The following GLG1 variants were observed in gnomAD, a reference collection of about 807,000 sequenced individuals.
GLG1 encodes Golgi apparatus protein 1.
Under a neutral mutation model 160.5 loss-of-function variants are expected in GLG1, and 38 were observed. That is an observed-to-expected ratio of 0.24 (90% CI 0.18 to 0.31). The LOEUF is 0.31. Among genes scored for constraint, GLG1 ranks in the 10% least tolerant of loss-of-function variants. The probability of loss-of-function intolerance (pLI) is 1.00; values close to 1 mark genes in which losing one functional copy is unlikely to be tolerated. For missense variants in GLG1, 1,373 were observed against 1,505.2 expected, an observed-to-expected ratio of 0.91 and a Z score of 1.45; for synonymous variants, 644 against 543.4, an observed-to-expected ratio of 1.19 and a Z score of -2.57.
chr16:74,464,958 C>T (rs2014945468), intron 19 of GLG1, among the ~76,000 whole-genome samples: 1 of 152,162 alleles, frequency 6.6e-6, no homozygotes, highest in African/African-American at 2.4e-5. Context: ...CTTGCCTCAG[C>T]CTCCTGAATA....
chr16:74,525,583 A>AC (rs2017309164), intron 2 of GLG1, among the ~76,000 whole-genome samples: 1 of 149,596 alleles, frequency 6.7e-6, no homozygotes, highest in Admixed American at 6.8e-5. Context: ...GGTATGAGCC[A>AC]CCCCACCCAG....
chr16:74,500,298 G>C lies in GLG1; in HGVS notation c.774+3233C>G, dbSNP rs553754146. ...ATTAATACACAGGCTTGGCATATGAGTAATAAATTATCCTATAAATGAACT... is the reference window on the plus strand; with the variant it reads ...ATTAATACACAGGCTTGGCATATGACTAATAAATTATCCTATAAATGAACT... On this transcript the variant is annotated intron_variant, in intron 4 of 25. Coordinates refer to ENST00000422840, the MANE Select transcript of GLG1 (RefSeq NM_001145667.2). Among the ~76,000 whole-genome samples, 7 of 152,162 alleles carry C rather than the reference G, an allele frequency of 4.6e-5. No homozygotes were observed. In the South Asian group the frequency reaches 1.5e-3, roughly 32 times the overall value.
chr16:74,586,060 A>G (rs1452799932), intron 1 of GLG1, among the ~76,000 whole-genome samples: 11 of 143,554 alleles, frequency 7.7e-5, no homozygotes, highest in Admixed American at 2.8e-4. Context: ...AAGACTCTGT[A>G]TCGGAAAAAA....
At chr16:74,465,059 G>C (rs929329642) in intron 19 of GLG1, among the ~76,000 whole-genome samples, 1 of 152,018 alleles carries the variant, frequency 6.6e-6, no homozygotes, top group African/African-American at 2.4e-5. Flanking sequence ...GGCTGGTCTC[G>C]AACTCCTGAC....
intron 1 of GLG1, among the ~76,000 whole-genome samples, chr16:74,558,998 C>T (rs1180842315): frequency 6.6e-6 from 1 of 152,160 alleles, no homozygotes; most frequent in Non-Finnish European, 1.5e-5. Flanking sequence ...AATTCTCCCA[C>T]CTCAGCCTCC....
intron 1 of GLG1, among the ~76,000 whole-genome samples, chr16:74,536,847 C>T (rs974623793): frequency 4.9e-4 from 75 of 152,126 alleles, no homozygotes; most frequent in Non-Finnish European, 9.9e-4. Flanking sequence ...CATTAAGATT[C>T]CTACCTCTAC....
At chr16:74,542,716 GGGAA>G (rs1232680624) in intron 1 of GLG1, among the ~76,000 whole-genome samples, 6 of 29,784 alleles carry the variant, frequency 2.0e-4, no homozygotes, top group Non-Finnish European at 2.5e-4. Context: ...AAGGGAAGAA[GGGAA>G]GGAAGGAAGG....
chr16:74,548,826 T>C (rs907283644), intron 1 of GLG1, among the ~76,000 whole-genome samples: 1 of 152,034 alleles, frequency 6.6e-6, no homozygotes, highest in African/African-American at 2.4e-5. Flanking sequence ...TGAAACCTCG[T>C]CTCTACTAAA....
chr16:74,541,509 C>T (rs1431213865), intron 1 of GLG1, among the ~76,000 whole-genome samples: 2 of 152,126 alleles, frequency 1.3e-5, no homozygotes, highest in Non-Finnish European at 2.9e-5. Context: ...ACATTTATCA[C>T]ATAACATTCT....
At chr16:74,541,258 A>T (rs1227473250) in intron 1 of GLG1, among the ~76,000 whole-genome samples, 1 of 144,380 alleles carries the variant, frequency 6.9e-6, no homozygotes, top group Admixed American at 7.4e-5. Context: ...TGGGAGGCAG[A>T]GGCTGCAGTG....
chr16:74,583,296 T>C (rs1957977608), intron 1 of GLG1, among the ~76,000 whole-genome samples: 1 of 152,214 alleles, frequency 6.6e-6, no homozygotes, highest in Non-Finnish European at 1.5e-5. Context: ...ATCCTCTTAC[T>C]GGAAACTGCC....
rs536597995 is a variant in GLG1 at position 74,450,778 on chromosome 16, G to C, written c.*2389C>G. The C allele has an allele frequency of 3.9e-5, 6 of 151,964 alleles. No homozygotes were observed. The East Asian group carries it at 9.7e-4, about 25-fold the overall frequency. 9.4% of individuals were successfully genotyped at this position (151,964 alleles called of 1,614,324 possible). On this transcript the variant is annotated 3_prime_UTR_variant, in exon 26 of 26. Transcript: ENST00000422840. Reference sequence around the variant, plus strand: ...GCAGAGAATTGCTTGAACCCAGGAGGTGGAGGTTGCAGGGAGCTGAGATCG... The same window carrying C: ...GCAGAGAATTGCTTGAACCCAGGAGCTGGAGGTTGCAGGGAGCTGAGATCG...
At chr16:74,461,168 CTTTT>C (rs760396989) in intron 22 of GLG1, among the ~76,000 whole-genome samples, 3 of 141,544 alleles carry the variant, frequency 2.1e-5, no homozygotes, top group Non-Finnish European at 4.7e-5. Flanking sequence ...TATAGAATTA[CTTTT>C]TTTTTTTTTT....
intron 18 of GLG1, 22 bp from the exon 19 acceptor site, chr16:74,465,835 C>G (rs764936546): frequency 3.1e-6 from 5 of 1,611,028 alleles, no homozygotes; most frequent in Non-Finnish European, 4.2e-6. Flanking sequence ...GAGTTATAGT[C>G]AAGTTGAGAG....
intron 2 of GLG1, among the ~76,000 whole-genome samples, 161 bp downstream of exon 2, chr16:74,531,960 G>T (rs1400098204): frequency 6.6e-6 from 1 of 152,076 alleles, no homozygotes; most frequent in Non-Finnish European, 1.5e-5. Flanking sequence ...ACAATGAAGG[G>T]TTATTTGTTG....
At chr16:74,502,150 A>C (rs907545283) in intron 4 of GLG1, among the ~76,000 whole-genome samples, 11 of 152,198 alleles carry the variant, frequency 7.2e-5, no homozygotes, top group African/African-American at 2.4e-4. Flanking sequence ...TTTCCATCAT[A>C]TTTCCTGAAC....
Position 74,567,962 on chromosome 16 carries a change from C to T in GLG1, c.439-35809G>A, listed in dbSNP as rs142144709. On this transcript the variant is annotated intron_variant, in intron 1 of 25. Coordinates refer to ENST00000422840, the MANE Select transcript of GLG1 (RefSeq NM_001145667.2). The stretch of plus-strand genomic sequence containing the variant: ...CAATCTCAGTCTGAGTGCTCCAGGT[C>T]GGGCCTCATTCCTGACACAGATAGA... Among the ~76,000 whole-genome samples the T allele has an allele frequency of 3.5e-4, 54 of 152,324 alleles. No homozygotes were observed. In the East Asian group the frequency reaches 4.6e-3, roughly 13 times the overall value.
At chr16:74,571,996 C>T (rs917230984) in intron 1 of GLG1, among the ~76,000 whole-genome samples, 2 of 152,126 alleles carry the variant, frequency 1.3e-5, no homozygotes, top group Non-Finnish European at 2.9e-5. Context: ...GAAGAGATAA[C>T]TGTCTTTTGC....
At chr16:74,521,566 G>C (rs926456685) in intron 2 of GLG1, among the ~76,000 whole-genome samples, 4 of 152,124 alleles carry the variant, frequency 2.6e-5, no homozygotes. Flanking sequence ...GAATAGAGGA[G>C]CCACTAGTGG....
Sources: allele counts gnomAD v4.1 joint callset (sites outside exome capture counted in the v4.1 genomes callset), GRCh38; gene constraint gnomAD v4.1.1; transcripts MANE v1.5; gene names NCBI Gene and HGNC (gene_info 2026-07-23, HGNC 2026-07-21).